DLC1: variants seen among roughly 807,000 people sequenced by gnomAD.
DLC1 encodes the protein rho GTPase-activating protein 7.
A neutral mutation model predicts 140.3 loss-of-function variants in DLC1; 54 were observed. That is an observed-to-expected ratio of 0.38 (90% CI 0.31 to 0.48). The LOEUF (loss-of-function observed/expected upper bound fraction) is 0.48, where lower values mean the gene tolerates loss of function less well. Among genes scored for constraint, DLC1 ranks in the 20% least tolerant of loss-of-function variants. The probability of loss-of-function intolerance (pLI) is 0.96; values close to 1 mark genes in which losing one functional copy is unlikely to be tolerated. For synonymous variants in DLC1, 986 were observed against 728.1 expected, an observed-to-expected ratio of 1.35 and a Z score of -5.70; for missense variants, 2,536 against 1,907.0, an observed-to-expected ratio of 1.33 and a Z score of -6.14.
intron 1 of DLC1, among the ~76,000 whole-genome samples, chr8:13,535,500 G>C (rs941514424): frequency 1.3e-5 from 2 of 151,658 alleles, no homozygotes; most frequent in Admixed American, 6.6e-5. Context: ...AGAAAATGTT[G>C]ACAAGGGCAA....
At chr8:13,142,618 T>C (rs1253184220) in intron 5 of DLC1, among the ~76,000 whole-genome samples, 1 of 151,958 alleles carries the variant, frequency 6.6e-6, no homozygotes, top group East Asian at 1.9e-4. Flanking sequence ...TTATGAGAAA[T>C]AAAAGTTTTT....
At chr8:13,286,300 T>A (rs567048685) in intron 5 of DLC1, among the ~76,000 whole-genome samples, 2 of 152,092 alleles carry the variant, frequency 1.3e-5, no homozygotes, top group East Asian at 3.9e-4. Context: ...GAGAAAAAAA[T>A]TGCTGTTTAA....
intron 13 of DLC1, 88 bp from the exon 14 acceptor site, chr8:13,091,520 G>C (rs1818075221): frequency 1.6e-6 from 2 of 1,222,608 alleles, no homozygotes; most frequent in African/African-American, 1.5e-5. Context: ...AAAGAAGAGA[G>C]AAAAAAAAAT....
intron 4 of DLC1, among the ~76,000 whole-genome samples, chr8:13,344,567 G>T (rs1376327065): frequency 6.6e-6 from 1 of 152,216 alleles, no homozygotes; most frequent in African/African-American, 2.4e-5. Context: ...TACAGAGTAC[G>T]GAGTGACAAG....
At chr8:13,189,421 T>G (rs1826614059) in intron 5 of DLC1, among the ~76,000 whole-genome samples, 1 of 151,888 alleles carries the variant, frequency 6.6e-6, no homozygotes, top group Admixed American at 6.6e-5. Flanking sequence ...AAGGCTGCAG[T>G]AAGCTCTGAT....
Position 13,574,416 on chromosome 8 carries a change from A to G in DLC1, c.-126+30121T>C, listed in dbSNP as rs184710584. Among the ~76,000 whole-genome samples, 6 of 152,264 alleles carry G rather than the reference A, an allele frequency of 3.9e-5. No homozygotes were observed. In the East Asian group the frequency reaches 7.7e-4, roughly 20 times the overall value. On this transcript the variant is annotated intron_variant, in intron 1 of 1. Transcript: ENST00000631382. The stretch of plus-strand genomic sequence containing the variant: ...TAATATATGTTTTTTGCCCTTGAAT[A>G]TATTCAAAGGGGGTTGGATATCTTT...
At chr8:13,596,955 T>C (rs1805701891) in intron 1 of DLC1, among the ~76,000 whole-genome samples, 1 of 152,016 alleles carries the variant, frequency 6.6e-6, no homozygotes, top group Non-Finnish European at 1.5e-5. Context: ...GAAGTTCTTG[T>C]GATGCAGATA....
At chr8:13,538,161 C>CT (rs1233507292) in intron 1 of DLC1, among the ~76,000 whole-genome samples, 1 of 152,070 alleles carries the variant, frequency 6.6e-6, no homozygotes, top group Non-Finnish European at 1.5e-5. Flanking sequence ...AATAGGCCTT[C>CT]TTAAATACTG....
At chr8:13,488,365 A>AGG (rs1426832434) in intron 2 of DLC1, among the ~76,000 whole-genome samples, 1 of 152,226 alleles carries the variant, frequency 6.6e-6, no homozygotes, top group Non-Finnish European at 1.5e-5. Flanking sequence ...AATACTAGCT[A>AGG]GGGAGCAAAT....
chr8:13,474,960 A>G (rs919587221), intron 2 of DLC1, among the ~76,000 whole-genome samples: 16 of 152,132 alleles, frequency 1.1e-4, no homozygotes, highest in African/African-American at 3.9e-4. Context: ...TTAATGCTCC[A>G]CCACGCTTAG....
At chr8:13,506,037 T>A (rs1298277140) in intron 1 of DLC1, among the ~76,000 whole-genome samples, 1 of 144,224 alleles carries the variant, frequency 6.9e-6, no homozygotes, top group Non-Finnish European at 1.6e-5. Context: ...CCTTTGAGAA[T>A]ACATGTGATA....
At chr8:13,109,337 G>C (rs1034325316) in intron 7 of DLC1, among the ~76,000 whole-genome samples, 3 of 151,548 alleles carry the variant, frequency 2.0e-5, no homozygotes, top group African/African-American at 7.3e-5. Context: ...ATGGATGACT[G>C]CTTGAGCCCA....
chr8:13,255,889 A>G (rs1039677161), intron 5 of DLC1, among the ~76,000 whole-genome samples: 1 of 152,154 alleles, frequency 6.6e-6, no homozygotes, highest in Admixed American at 6.5e-5. Context: ...TGCCCTTTTT[A>G]TTGTTTAATG....
intron 2 of DLC1, among the ~76,000 whole-genome samples, chr8:13,497,567 C>G (rs1015529380): frequency 2.0e-5 from 3 of 152,242 alleles, no homozygotes; most frequent in Admixed American, 2.0e-4. Context: ...TAAATTCTTT[C>G]CAGCATTCTT....
In DLC1 at chr8:13,185,548, C is replaced by T. The variant is rs200257695; in HGVS notation, c.1349-69891G>A. ...GATCTCGACCTCCTGACCTTGTGAT[C>T]TGCTCGCCTTGGCCTCCCAAAGTGC... On this transcript the variant is annotated intron_variant, in intron 5 of 17. Coordinates refer to ENST00000276297, the MANE Select transcript of DLC1 (RefSeq NM_182643.3). Among the ~76,000 whole-genome samples the T allele has an allele frequency of 1.3e-4, 20 of 152,224 alleles. 1 individual carries two copies. In the East Asian group the frequency reaches 3.9e-3, roughly 29 times the overall value.
At chr8:13,132,205 CTGTGTGTGTGTGTG>C (rs147699066) in intron 5 of DLC1, among the ~76,000 whole-genome samples, 11 of 139,210 alleles carry the variant, frequency 7.9e-5, no homozygotes, top group South Asian at 5.0e-4. Flanking sequence ...AAAACCAAAA[CTGTGTGTGTGTGTG>C]TGTGTGTGTG....
chr8:13,365,080 A>G (rs955193541), intron 4 of DLC1, among the ~76,000 whole-genome samples: 4 of 152,154 alleles, frequency 2.6e-5, no homozygotes, highest in Non-Finnish European at 1.5e-5. Flanking sequence ...ATTTAATCCA[A>G]TCTGTATTCC....
At chr8:13,322,003 C>T (rs532495180) in intron 4 of DLC1, among the ~76,000 whole-genome samples, 1 of 152,072 alleles carries the variant, frequency 6.6e-6, no homozygotes, top group African/African-American at 2.4e-5. Context: ...TTGGAGAACC[C>T]TAAATAATAG....
intron 15 of DLC1, among the ~76,000 whole-genome samples, chr8:13,089,864 C>T (rs1489267859): frequency 6.6e-6 from 1 of 152,128 alleles, no homozygotes; most frequent in Admixed American, 6.5e-5. Flanking sequence ...ATTAAAGGGC[C>T]AAGAGAACAG....
Sources: gnomAD v4.1 joint callset for allele counts (sites outside exome capture counted in the v4.1 genomes callset) on GRCh38, gnomAD v4.1.1 for gene constraint, MANE v1.5 for transcripts, NCBI Gene and HGNC (gene_info 2026-07-23, HGNC 2026-07-21) for gene names.